Variants in ZNF717 observed in about 807,000 individuals in gnomAD.
The protein encoded by ZNF717 is zinc finger protein 717.
A neutral mutation model predicts 13.8 loss-of-function variants in ZNF717; 9 were observed. The observed-to-expected ratio is 0.65, with a 90% CI of 0.39 to 1.14. The LOEUF (loss-of-function observed/expected upper bound fraction) is 1.14, where lower values mean the gene tolerates loss of function less well. ZNF717 is among the 50% of genes most tolerant of loss of function. The pLI, the probability that ZNF717 is intolerant of heterozygous loss-of-function variation, is 0.01. For synonymous variants in ZNF717, 327 were observed against 364.1 expected (o/e 0.90, Z 1.16); for missense variants, 1,040 against 1,080.7 (o/e 0.96, Z 0.53).
At chr3:75,721,931 T>G (rs1197702042) in intron 4 of ZNF717, among the ~76,000 whole-genome samples, 2 of 152,052 alleles carry the variant, frequency 1.3e-5, no homozygotes, top group East Asian at 3.9e-4. Flanking sequence ...AATGATTACA[T>G]AAGAGAAATT....
In ZNF717 at chr3:75,735,882, A is replaced by G. The variant is rs1939121810; in HGVS notation, c.*996T>C. 1 of 152,134 alleles carries G rather than the reference A, an allele frequency of 6.6e-6. No individual in the cohort carries two copies. The highest frequency in any genetic ancestry group is 2.1e-4 in the South Asian group (1 of 4,828). The allele number at this position is 152,134 out of a possible 1,614,324, so 9.4% of individuals were successfully genotyped here. A position where few individuals can be genotyped will look rare whatever the true frequency, so the allele number is the denominator to read the frequency against. Reference sequence around the variant, plus strand: ...AGAGGCACATCTCACTTTGAGCTTCACTTTATTTTGCTTGGCAACATCACC... The same window carrying G: ...AGAGGCACATCTCACTTTGAGCTTCGCTTTATTTTGCTTGGCAACATCACC... On this transcript the variant is annotated 3_prime_UTR_variant, in exon 5 of 5. Transcript: ENST00000652011.
chr3:75,715,866 C>T (rs2106846974), intron 5 of ZNF717, among the ~76,000 whole-genome samples: 1 of 152,232 alleles, frequency 6.6e-6, no homozygotes, highest in African/African-American at 2.4e-5. Context: ...ATGTAATTTT[C>T]CCAGCAAGTT....
At chr3:75,758,112 CAAAAAAAAAAAAA>C (rs111361124) in intron 2 of ZNF717, among the ~76,000 whole-genome samples, 5 of 64,538 alleles carry the variant, frequency 7.7e-5, no homozygotes, top group African/African-American at 2.0e-4. Flanking sequence ...GACTCCATCT[CAAAAAAAAAAAAA>C]AAAAAAAAAA....
intron 2 of ZNF717, among the ~76,000 whole-genome samples, chr3:75,765,011 A>G (rs1386346458): frequency 2.4e-3 from 45 of 18,754 alleles, no homozygotes; most frequent in Middle Eastern, 0.029. Flanking sequence ...ATATATATAT[A>G]TATATATATA....
intron 2 of ZNF717, among the ~76,000 whole-genome samples, chr3:75,776,355 C>T (rs370143698): frequency 6.6e-6 from 1 of 152,234 alleles, no homozygotes; most frequent in Admixed American, 6.5e-5. Flanking sequence ...CATTTGGTTA[C>T]CTGATGGGCC....
In ZNF717 at chr3:75,736,135, A is replaced by C. The variant is rs1249764306; in HGVS notation, c.*743T>G. 1 of 152,280 alleles carries C rather than the reference A, an allele frequency of 6.6e-6. No homozygotes were observed. Among genetic ancestry groups the C allele is most frequent in the African/African-American group, 2.4e-5 (1 of 41,454 alleles). The allele number at this position is 152,280 out of a possible 1,614,324, so 9.4% of individuals were successfully genotyped here. A position where few individuals can be genotyped will look rare whatever the true frequency, so the allele number is the denominator to read the frequency against. Reference sequence around the variant, plus strand: ...AACTCTATGGAAGATAGCAAACGTGATGGAAAAATGTTGTGTTTGACTGCT... The same window carrying C: ...AACTCTATGGAAGATAGCAAACGTGCTGGAAAAATGTTGTGTTTGACTGCT... On this transcript the variant is annotated 3_prime_UTR_variant, in exon 5 of 5. Transcript: ENST00000652011.
chr3:75,714,467 G>A (rs1178698927), intron 5 of ZNF717, among the ~76,000 whole-genome samples: 1 of 151,730 alleles, frequency 6.6e-6, no homozygotes, highest in Non-Finnish European at 1.5e-5. Context: ...TATAATATTG[G>A]AATAAAGAGT....
intron 2 of ZNF717, among the ~76,000 whole-genome samples, chr3:75,744,124 A>T (rs1422217048): frequency 6.6e-6 from 1 of 152,262 alleles, no homozygotes; most frequent in East Asian, 1.9e-4. Flanking sequence ...AAGACCAAGA[A>T]GGAACTTTCT....
At chr3:75,749,164 C>T (rs1300087126) in intron 2 of ZNF717, among the ~76,000 whole-genome samples, 2 of 151,600 alleles carry the variant, frequency 1.3e-5, no homozygotes, top group Non-Finnish European at 2.9e-5. Context: ...ATGGTTTGTC[C>T]CCCGCATAGG....
At position 75,736,728 on chromosome 3, in the gene ZNF717, A is replaced by C; in HGVS notation, c.*150T>G. The C allele has an allele frequency of 1.3e-6, 1 of 792,264 alleles. No individual in the cohort carries two copies. Among genetic ancestry groups the C allele is most frequent in the Non-Finnish European group, 1.9e-6 (1 of 523,952 alleles). 49.1% of individuals were successfully genotyped at this position (792,264 alleles called of 1,614,324 possible). On this transcript the variant is annotated 3_prime_UTR_variant, in exon 5 of 5. Coordinates refer to ENST00000652011, the MANE Select transcript of ZNF717 (RefSeq NM_001290208.3). The stretch of plus-strand genomic sequence containing the variant: ...AGTGTGCTGTAAAAATGGGAACAAC[A>C]AAGCCTGCATGATAGGACTTCTGTT...
chr3:75,768,067 G>A (rs1435873867), intron 2 of ZNF717, among the ~76,000 whole-genome samples: 6 of 152,118 alleles, frequency 3.9e-5, no homozygotes, highest in Non-Finnish European at 7.4e-5. Context: ...AGGACTGAGC[G>A]TCATTCTCAG....
intron 6 of ZNF717, among the ~76,000 whole-genome samples, chr3:75,704,510 A>T (rs1937760941): frequency 6.6e-6 from 1 of 152,308 alleles, no homozygotes; most frequent in Non-Finnish European, 1.5e-5. Context: ...CTAGGGCATA[A>T]TGTTAGGGTG....
chr3:75,737,342 T>C lies in ZNF717; in HGVS notation c.2281A>G (p.Asn761Asp), dbSNP rs1939450342. 6.4e-7 allele frequency: 1 copy of C among 1,552,500 alleles called. No individual in the cohort carries two copies. The highest frequency in any genetic ancestry group is 8.7e-7 in the Non-Finnish European group (1 of 1,147,562). ...THTGEKPYEC[N>D]ECGKTFCHKS... is the part of the protein sequence containing the mutation. ...TGACAAAAGGTTTTCCCACACTCAT[T>C]ACATTCATAAGGTTTTTCTCCGGTA... Residue 761 changes from asparagine to aspartate, a missense_variant, in exon 5 of 5, where the codon AAT (asparagine) becomes GAT (aspartate). Transcript: ENST00000652011.
intron 2 of ZNF717, among the ~76,000 whole-genome samples, chr3:75,765,083 GC>G (rs1943359008): frequency 6.8e-6 from 1 of 146,874 alleles, no homozygotes; most frequent in Admixed American, 6.9e-5. Context: ...ATGTTATTCA[GC>G]CATAGAAAGG....
At chr3:75,716,250 GT>G (rs113707575) in intron 5 of ZNF717, among the ~76,000 whole-genome samples, 3,582 of 150,902 alleles carry the variant, frequency 0.024, 147 homozygotes, top group African/African-American at 0.082. Context: ...AGATAAGATT[GT>G]TCACAAAAAT....
At chr3:75,727,449 A>G (rs138866798), downstream of ZNF717, among the ~76,000 whole-genome samples, 163 of 135,952 alleles carry the variant, frequency 1.2e-3, no homozygotes, top group Middle Eastern at 4.1e-3. Context: ...AGAGAATATC[A>G]CTGAATTCTT....
At chr3:75,710,295 G>A (rs1202131916) in exon 6 of ZNF717, 2 of 152,200 alleles carry the variant, frequency 1.3e-5, no homozygotes, top group Non-Finnish European at 2.9e-5. Flanking sequence ...AGGTGAGATG[G>A]TGTAACCACA....
At chr3:75,716,465 C>A (rs1285577882) in exon 5 of ZNF717, 2 of 152,080 alleles carry the variant, frequency 1.3e-5, no homozygotes, top group African/African-American at 4.8e-5. Flanking sequence ...GATGTGTCGT[C>A]CTTCATTAAG....
chr3:75,746,945 A>C (rs1482968876), intron 2 of ZNF717, among the ~76,000 whole-genome samples: 1 of 152,134 alleles, frequency 6.6e-6, no homozygotes, highest in African/African-American at 2.4e-5. Context: ...GCCCATGCCT[A>C]TGTCTTGAAT....
Sources: gnomAD v4.1 joint callset for allele counts (sites outside exome capture counted in the v4.1 genomes callset) on GRCh38, gnomAD v4.1.1 for gene constraint, MANE v1.5 for transcripts, NCBI Gene and HGNC (gene_info 2026-07-23, HGNC 2026-07-21) for gene names.